KIF1A: variants seen among roughly 807,000 people sequenced by gnomAD.
KIF1A encodes kinesin-like protein KIF1A.
KIF1A carries 46 observed loss-of-function variants against 227.3 expected under a neutral mutation model. The observed-to-expected ratio is 0.20, with a 90% CI of 0.16 to 0.26. KIF1A has a LOEUF of 0.26. Among genes scored for constraint, KIF1A ranks in the 10% least tolerant of loss-of-function variants. KIF1A has a pLI of 1.00. For missense variants in KIF1A, 1,683 were observed against 2,485.9 expected (o/e 0.68, Z 6.87); for synonymous variants, 1,022 against 1,012.8 (o/e 1.01, Z -0.17).
chr2:240,808,766 G>A (rs752479064), intron 1 of KIF1A, among the ~76,000 whole-genome samples: 37 of 151,708 alleles, frequency 2.4e-4, no homozygotes, highest in Non-Finnish European at 4.3e-4. Flanking sequence ...GTCTCACACC[G>A]TCGCCTGGGA....
At chr2:240,742,187 A>G (rs2048055913) in intron 34 of KIF1A, among the ~76,000 whole-genome samples, 1 of 152,218 alleles carries the variant, frequency 6.6e-6, no homozygotes, top group South Asian at 2.1e-4. Context: ...CTTGCAAGGC[A>G]GGCACAAGAG....
chr2:240,745,432 G>A lies in KIF1A; in HGVS notation c.3460C>T (p.Gln1154Ter). 6.2e-7 allele frequency: 1 copy of A among 1,612,034 alleles called. No individual in the cohort carries two copies. The highest frequency in any genetic ancestry group is 1.1e-5 in the South Asian group (1 of 91,002). The change falls in exon 32 of 49, where the codon CAG becomes TAG. Residue 1154 changes from glutamine (Q) to a stop codon, truncating the protein, a stop_gained. Transcript: ENST00000498729. LOFTEE classifies it high-confidence loss of function. The stretch of plus-strand genomic sequence containing the variant: ...AGAAGTGCCCAGGAACGTACGTTCT[G>A]GACGTGGTAGAAGCCAAGTGGGGGG... The part of the protein sequence containing the change: ...RGPPLGFYHV[Q>*]NIAVEVTKSF...
chr2:240,746,259 G>T lies in KIF1A; in HGVS notation c.3064-82C>A, dbSNP rs1289223503. 9 of 1,494,366 alleles carry T rather than the reference G, an allele frequency of 6.0e-6. No individual in the cohort carries two copies. In the South Asian group the frequency reaches 1.1e-4, roughly 18 times the overall value. The allele number at this position is 1,494,366 out of a possible 1,614,324, so 92.6% of individuals were successfully genotyped here. ...CGTAGACCCTGCCACAGGCCCACGG[G>T]AGGGCTGTGCCACCCAGAGCCTGGG... On this transcript the variant is annotated intron_variant, in intron 29 of 48. Coordinates refer to ENST00000498729, the MANE Select transcript of KIF1A (RefSeq NM_001244008.2).
chr2:240,729,506 AG>A lies in KIF1A; in HGVS notation c.4008-2567del, dbSNP rs2046377985. Among the ~76,000 whole-genome samples the A allele has an allele frequency of 2.0e-5, 3 of 152,306 alleles. No homozygotes were observed. In the East Asian group the frequency reaches 5.8e-4, roughly 29 times the overall value. ...CCATCCTGGGGCTCCTTGGCCCCTGAGTGGGACACAGCAAAGGAACAAGCCC... is the reference window on the plus strand; with the variant it reads ...CCATCCTGGGGCTCCTTGGCCCCTGATGGGACACAGCAAAGGAACAAGCCC... On this transcript the variant is annotated intron_variant, in intron 38 of 48. Coordinates refer to ENST00000498729, the MANE Select transcript of KIF1A (RefSeq NM_001244008.2).
intron 23 of KIF1A, among the ~76,000 whole-genome samples, chr2:240,761,581 G>A (rs1302705414): frequency 6.6e-6 from 1 of 152,240 alleles, no homozygotes; most frequent in African/African-American, 2.4e-5. Flanking sequence ...ACTGAGGCCA[G>A]AGGTGGACAG....
At chr2:240,720,433 A>C (rs116062873) in intron 45 of KIF1A, 287 of 158,530 alleles carry the variant, frequency 1.8e-3, no homozygotes, top group Non-Finnish European at 3.3e-3. Context: ...TTTCTTATTT[A>C]AATGAAAATC....
Position 240,766,749 on chromosome 2 carries a change from T to TCTCTCACACACACACACA in KIF1A, c.1684+165_1684+166insTGTGTGTGTGTGTGAGAG, listed in dbSNP as rs1454271542. ...CTCTCTCTCTCTCTCTCTCTCTCTCTCACACACACACACACACACACACAC... is the reference window on the plus strand; with the variant it reads ...CTCTCTCTCTCTCTCTCTCTCTCTCTCTCTCACACACACACACACACACACACACACACACACACACAC... On this transcript the variant is annotated intron_variant, in intron 19 of 48. Transcript: ENST00000498729. This position sits in a 1 kb window ranked among gnomAD's most constrained non-coding sequence, Gnocchi z 5.0. Among the ~76,000 whole-genome samples the TCTCTCACACACACACACA allele has an allele frequency of 5.5e-5, 6 of 108,974 alleles. No individual in the cohort carries two copies. The highest frequency in any genetic ancestry group is 2.5e-4 in the African/African-American group (6 of 24,112). 71.5% of individuals were successfully genotyped at this position (108,974 alleles called of 152,430 possible).
At position 240,758,575 on chromosome 2, in the gene KIF1A, G is replaced by T; in HGVS notation, c.2445-78C>A. On this transcript the variant is annotated intron_variant, in intron 25 of 48. Transcript: ENST00000498729. The surrounding 1 kb of genome is among the most constrained non-coding windows in gnomAD (Gnocchi z 5.2). ...GCACCGCACACCCTTATCTCCTGGG[G>T]ACAGTGGGCTCAGCCTAGCTCTGGC... 7.1e-7 allele frequency: 1 copy of T among 1,400,510 alleles called. No homozygotes were observed. Among genetic ancestry groups the T allele is most frequent in the Non-Finnish European group, 9.4e-7 (1 of 1,064,316 alleles). 86.8% of individuals were successfully genotyped at this position (1,400,510 alleles called of 1,614,324 possible).
Position 240,766,722 on chromosome 2 carries a change from ATCTCTCTCTC to A in KIF1A, c.1684+183_1684+192del, listed in dbSNP as rs67736580. Among the ~76,000 whole-genome samples, 4 of 122,638 alleles carry A rather than the reference ATCTCTCTCTC, an allele frequency of 3.3e-5. No individual in the cohort carries two copies. The East Asian group carries it at 7.7e-4, about 24-fold the overall frequency. 80.5% of individuals were successfully genotyped at this position (122,638 alleles called of 152,430 possible). On this transcript the variant is annotated intron_variant, in intron 19 of 48. Transcript: ENST00000498729. The surrounding 1 kb of genome is among the most constrained non-coding windows in gnomAD (Gnocchi z 5.0). ...CCCAAATATCTCTCTCTCTCTCCAA[ATCTCTCTCTC>A]TCTCTCTCTCTCTCTCTCACACACA...
At chr2:240,791,688 G>A (rs2055723743) in intron 2 of KIF1A, among the ~76,000 whole-genome samples, 1 of 152,138 alleles carries the variant, frequency 6.6e-6, no homozygotes, top group Non-Finnish European at 1.5e-5. Context: ...CATGGGCCAT[G>A]AGCTCCATGA....
intron 10 of KIF1A, among the ~76,000 whole-genome samples, chr2:240,777,633 G>A (rs1010838939): frequency 3.3e-5 from 5 of 152,132 alleles, no homozygotes; most frequent in African/African-American, 9.7e-5. Context: ...CGACCTATCC[G>A]TCACCAGCGC....
At position 240,720,536 on chromosome 2, in the gene KIF1A, C is replaced by T. The variant is rs547278292; in HGVS notation, c.4868+378G>A. ...GTTCACACGAGGTCTCTTCCAAATG[C>T]GGACCTGCAGGGGCCAGGTGTCCCC... is the stretch of plus-strand genomic sequence containing the variant. On this transcript the variant is annotated intron_variant, in intron 45 of 48. Coordinates refer to ENST00000498729, the MANE Select transcript of KIF1A (RefSeq NM_001244008.2). 5.2e-5 allele frequency: 9 copies of T among 174,666 alleles called. No homozygotes were observed. In the South Asian group the frequency reaches 6.3e-4, roughly 12 times the overall value. The allele number at this position is 174,666 out of a possible 1,614,324, so 10.8% of individuals were successfully genotyped here.
chr2:240,761,204 A>G (rs1033105206), intron 24 of KIF1A, 25 bp downstream of exon 24: 1 of 1,599,602 alleles, frequency 6.3e-7, no homozygotes, highest in South Asian at 1.1e-5. Context: ...CCAACAGGAA[A>G]CGGTACAGCC....
intron 20 of KIF1A, among the ~76,000 whole-genome samples, chr2:240,765,250 G>A (rs979441263): frequency 6.6e-5 from 10 of 152,240 alleles, no homozygotes; most frequent in Admixed American, 4.6e-4. Flanking sequence ...AGACACTGCA[G>A]TGTCTGGGAA....
intron 20 of KIF1A, among the ~76,000 whole-genome samples, chr2:240,764,473 C>A (rs1164937659): frequency 1.3e-5 from 2 of 152,138 alleles, no homozygotes; most frequent in African/African-American, 4.8e-5. Flanking sequence ...GTGTGTCCTG[C>A]CCTCCTGCCC....
In KIF1A at chr2:240,761,375, G is replaced by T; in HGVS notation, c.2119C>A (p.Gln707Lys). The T allele has an allele frequency of 6.3e-7, 1 of 1,598,122 alleles. No individual in the cohort carries two copies. The change falls in exon 24 of 49, where the codon CAG (glutamine) becomes AAG (lysine). Residue 707 changes from glutamine to lysine, a missense_variant and splice_region_variant. Coordinates refer to ENST00000498729, the MANE Select transcript of KIF1A (RefSeq NM_001244008.2). ...AGCTCACACTCCCGCTCTGTCCACTGGACTGTGGGGAGAGGTCACACGTGG... is the reference window on the plus strand; with the variant it reads ...AGCTCACACTCCCGCTCTGTCCACTTGACTGTGGGGAGAGGTCACACGTGG... ...EEEEEPEDEV[Q>K]WTERECELAL...
At chr2:240,744,642 G>A (rs2048375640) in intron 32 of KIF1A, among the ~76,000 whole-genome samples, 5 of 152,186 alleles carry the variant, frequency 3.3e-5, no homozygotes, top group South Asian at 2.1e-4. Flanking sequence ...AGGAAGAGGC[G>A]GCTGTTCTAT....
chr2:240,720,806 T>C, intron 45 of KIF1A, 108 bp downstream of exon 45: 1 of 1,339,982 alleles, frequency 7.5e-7, no homozygotes, highest in Non-Finnish European at 1.0e-6. Context: ...CCCAAGGCAC[T>C]CGGCCATTGG....
In KIF1A at chr2:240,745,036, C is replaced by T. The variant is rs540572643; in HGVS notation, c.3465+391G>A. On this transcript the variant is annotated intron_variant, in intron 32 of 48. Coordinates refer to ENST00000498729, the MANE Select transcript of KIF1A (RefSeq NM_001244008.2). ...CCTGCCTGGAGTTTTCCAGACCTCT[C>T]GGGACGTTGCCGGCACCCTGTAGCC... Among the ~76,000 whole-genome samples, 9 of 152,234 alleles carry T rather than the reference C, an allele frequency of 5.9e-5. No homozygotes were observed. The East Asian group carries it at 1.4e-3, about 23-fold the overall frequency.
Sources: gnomAD v4.1 joint callset for allele counts (sites outside exome capture counted in the v4.1 genomes callset) on GRCh38, gnomAD v4.1.1 for gene constraint, Gnocchi (gnomAD v3.1) non-coding constraint, MANE v1.5 for transcripts, NCBI Gene and HGNC (gene_info 2026-07-23, HGNC 2026-07-21) for gene names.